Variants in CREBRF observed in about 807,000 individuals in gnomAD.
CREBRF encodes UPF0474 protein C5orf41.
In CREBRF, 5 loss-of-function variants were observed where a neutral mutation model predicts 66.1. The observed-to-expected ratio is 0.08, with a 90% CI of 0.04 to 0.16. The LOEUF (loss-of-function observed/expected upper bound fraction) is 0.16, where lower values mean the gene tolerates loss of function less well. CREBRF is among the 10% of genes least tolerant of loss of function. CREBRF has a pLI of 1.00. For missense variants in CREBRF, 531 were observed against 744.9 expected (o/e 0.71, Z 3.34); for synonymous variants, 229 against 264.4 (o/e 0.87, Z 1.30).
At chr5:173,095,281 C>T (rs1437649468) in intron 4 of CREBRF, among the ~76,000 whole-genome samples, 1 of 149,386 alleles carries the variant, frequency 6.7e-6, no homozygotes, top group African/African-American at 2.5e-5. Flanking sequence ...CTCCGCCTCC[C>T]AGGTTCACGC....
intron 4 of CREBRF, among the ~76,000 whole-genome samples, chr5:173,100,118 G>GTGTGTGTGTGTGTA (rs70984939): frequency 1.1e-4 from 10 of 88,330 alleles, no homozygotes; most frequent in African/African-American, 2.5e-4. Context: ...GTGTGTGTGT[G>GTGTGTGTGTGTGTA]TATATATATA....
chr5:173,108,173 TA>T (rs926573219), intron 4 of CREBRF, among the ~76,000 whole-genome samples: 22 of 151,088 alleles, frequency 1.5e-4, no homozygotes, highest in African/African-American at 2.9e-4. Flanking sequence ...GAAAAATATT[TA>T]AAAAAAAAGA....
At chr5:173,123,579 C>T in intron 8 of CREBRF, 1 of 219,448 alleles carries the variant, frequency 4.6e-6, no homozygotes, top group Non-Finnish European at 8.9e-6. Flanking sequence ...ACTTGGCTCT[C>T]TGGTTTCCCA....
chr5:173,090,188 G>A lies in CREBRF; in HGVS notation c.136-127G>A, dbSNP rs75287620. ...ATGACATTATATGAAATGATAAAGC[G>A]TCCTGTCAGTAGCCTTTATGTTAAA... On this transcript the variant is annotated intron_variant, in intron 3 of 8. Transcript: ENST00000296953. The surrounding 1 kb of genome is among the most constrained non-coding windows in gnomAD (Gnocchi z 4.5). 1.3e-4 allele frequency: 76 copies of A among 597,848 alleles called. No homozygotes were observed. The highest frequency in any genetic ancestry group is 7.6e-4 in the Middle Eastern group (2 of 2,634). 37.0% of individuals were successfully genotyped at this position (597,848 alleles called of 1,614,324 possible).
chr5:173,084,710 C>T (rs1758079009), intron 2 of CREBRF, among the ~76,000 whole-genome samples: 1 of 152,152 alleles, frequency 6.6e-6, no homozygotes, highest in Non-Finnish European at 1.5e-5. Context: ...GGCACGATCT[C>T]GGCTCACTGC....
At chr5:173,120,396 T>C (rs1442157582) in intron 7 of CREBRF, among the ~76,000 whole-genome samples, 1 of 151,934 alleles carries the variant, frequency 6.6e-6, no homozygotes, top group East Asian at 1.9e-4. Context: ...TTTTTTTTTT[T>C]TGAGACAGTA....
chr5:173,063,130 A>G (rs1757328869), intron 1 of CREBRF, among the ~76,000 whole-genome samples: 1 of 152,160 alleles, frequency 6.6e-6, no homozygotes, highest in Non-Finnish European at 1.5e-5. Context: ...AGGGTGCGGC[A>G]GTAGTATCAC....
At chr5:173,100,723 C>A (rs576353535) in intron 4 of CREBRF, among the ~76,000 whole-genome samples, 36 of 152,244 alleles carry the variant, frequency 2.4e-4, no homozygotes, top group Admixed American at 3.3e-4. Flanking sequence ...ACCGCTCCCC[C>A]CCAACCCATA....
intron 4 of CREBRF, among the ~76,000 whole-genome samples, chr5:173,105,358 G>T (rs1397038328): frequency 6.6e-6 from 1 of 152,088 alleles, no homozygotes; most frequent in African/African-American, 2.4e-5. Flanking sequence ...TTGATAGGAA[G>T]GTGGGAGTGT....
At chr5:173,101,057 G>A (rs753772333) in intron 4 of CREBRF, among the ~76,000 whole-genome samples, 5 of 151,848 alleles carry the variant, frequency 3.3e-5, no homozygotes, top group Admixed American at 6.6e-5. Context: ...TTCTTTGTAG[G>A]GTATTGTTTT....
chr5:173,079,350 C>T (rs1252546195), intron 1 of CREBRF, among the ~76,000 whole-genome samples: 1 of 151,372 alleles, frequency 6.6e-6, no homozygotes, highest in Non-Finnish European at 1.5e-5. Flanking sequence ...GTAATCTCAG[C>T]TACTTGGGAG....
At chr5:173,104,460 T>G (rs2113762875) in intron 4 of CREBRF, among the ~76,000 whole-genome samples, 1 of 152,184 alleles carries the variant, frequency 6.6e-6, no homozygotes, top group East Asian at 1.9e-4. Flanking sequence ...ATGGGAAGAT[T>G]GCTTGAGCCC....
intron 7 of CREBRF, among the ~76,000 whole-genome samples, chr5:173,114,378 C>G (rs1758935694): frequency 6.6e-6 from 1 of 152,094 alleles, no homozygotes; most frequent in Admixed American, 6.6e-5. Context: ...TATCCATTAC[C>G]TATCAGCCCA....
rs1305466409 is a variant in CREBRF, at chr5:173,105,342, C to T, written c.1223-3282C>T. ...GGCTTAAGTGTGGAACACCCAATTACTGACATTGATAGGAAGGTGGGAGTG... is the reference window on the plus strand; with the variant it reads ...GGCTTAAGTGTGGAACACCCAATTATTGACATTGATAGGAAGGTGGGAGTG... On this transcript the variant is annotated intron_variant, in intron 4 of 8. Transcript: ENST00000296953. 3.3e-5 allele frequency among the ~76,000 whole-genome samples: 5 copies of T among 152,068 alleles called. No individual in the cohort carries two copies. The East Asian group carries it at 9.7e-4, about 29-fold the overall frequency.
At position 173,080,739 on chromosome 5, in the gene CREBRF, A is replaced by G; in HGVS notation, c.-37A>G. 6.2e-7 allele frequency: 1 copy of G among 1,608,672 alleles called. No individual in the cohort carries two copies. The highest frequency in any genetic ancestry group is 2.2e-5 in the East Asian group (1 of 44,844). On this transcript the variant is annotated 5_prime_UTR_variant, in exon 2 of 9. Transcript: ENST00000296953. ...GGAATTTACAAACAAGAAAAAAAAG[A>G]AGTTTGGAATCGGATTCACAGGATC...
intron 4 of CREBRF, chr5:173,092,109 A>T (rs1369435151): frequency 1.2e-6 from 1 of 816,582 alleles, no homozygotes; most frequent in Non-Finnish European, 1.5e-6. Flanking sequence ...ATAAATAAAA[A>T]TATTACTGTT....
chr5:173,097,657 T>G (rs1758511275), intron 4 of CREBRF, among the ~76,000 whole-genome samples: 1 of 152,198 alleles, frequency 6.6e-6, no homozygotes, highest in South Asian at 2.1e-4. Context: ...CCATTTCTTC[T>G]AGGTTATTCA....
chr5:173,065,668 C>CTTCTTCT, intron 1 of CREBRF, among the ~76,000 whole-genome samples: 1 of 127,144 alleles, frequency 7.9e-6, no homozygotes, highest in South Asian at 2.6e-4. Flanking sequence ...TCTTCTTCTT[C>CTTCTTCT]TTTTTTTTTT....
At chr5:173,117,812 G>A (rs1759041368) in intron 7 of CREBRF, among the ~76,000 whole-genome samples, 1 of 150,342 alleles carries the variant, frequency 6.7e-6, no homozygotes, top group Admixed American at 6.7e-5. Flanking sequence ...CCAGGTTCAA[G>A]CGATTCTCGT....
Sources: gnomAD v4.1 joint callset for allele counts (sites outside exome capture counted in the v4.1 genomes callset) on GRCh38, gnomAD v4.1.1 for gene constraint, Gnocchi (gnomAD v3.1) non-coding constraint, MANE v1.5 for transcripts, NCBI Gene and HGNC (gene_info 2026-07-23, HGNC 2026-07-21) for gene names.